Variants in TSNAXIP1 observed in about 807,000 individuals in gnomAD.
TSNAXIP1 encodes the protein translin associated factor X interacting protein 1.
Under a neutral mutation model 84.8 loss-of-function variants are expected in TSNAXIP1, and 89 were observed. That is an observed-to-expected ratio of 1.05 (90% CI 0.88 to 1.25). The LOEUF (loss-of-function observed/expected upper bound fraction) is 1.25. Among genes scored for constraint, TSNAXIP1 ranks in the 50% most tolerant of loss-of-function variants. The pLI, the probability that TSNAXIP1 is intolerant of heterozygous loss-of-function variation, is 0.00. For synonymous variants in TSNAXIP1, 347 were observed against 335.2 expected (o/e 1.04, Z -0.39); for missense variants, 874 against 887.6 (o/e 0.98, Z 0.20).
At chr16:67,819,997 T>G (rs1239572535) in intron 2 of TSNAXIP1, among the ~76,000 whole-genome samples, 1 of 151,986 alleles carries the variant, frequency 6.6e-6, no homozygotes, top group African/African-American at 2.4e-5. Context: ...TTTTTGTATT[T>G]TTAGTAGAGA....
At chr16:67,814,589 G>T (rs2056385454) in intron 2 of TSNAXIP1, among the ~76,000 whole-genome samples, 188 bp downstream of exon 2, 1 of 152,108 alleles carries the variant, frequency 6.6e-6, no homozygotes. Flanking sequence ...GGGGAGAAGG[G>T]TGTACACTGG....
At chr16:67,808,166 G>C (rs982919209) in intron 1 of TSNAXIP1, among the ~76,000 whole-genome samples, 5 of 151,540 alleles carry the variant, frequency 3.3e-5, no homozygotes, top group African/African-American at 1.2e-4. Context: ...AGTAAGTGTT[G>C]AATGAATGTA....
At chr16:67,826,904 C>A in intron 12 of TSNAXIP1, 59 bp from the exon 13 acceptor site, 2 of 1,612,410 alleles carry the variant, frequency 1.2e-6, no homozygotes, top group Non-Finnish European at 1.7e-6. Context: ...CTAGCATAGA[C>A]CAGCTTTGCC....
chr16:67,820,039 C>T (rs932394517), intron 2 of TSNAXIP1, among the ~76,000 whole-genome samples: 15 of 151,800 alleles, frequency 9.9e-5, no homozygotes, highest in African/African-American at 3.6e-4. Context: ...AGGATGGTCT[C>T]GATCTCCTGA....
In TSNAXIP1 at chr16:67,819,645, C is replaced by CT. The variant is rs886107623; in HGVS notation, c.148-1175dup. ...GTGAAGCACACATTATGCTTTCCCTCTTTTTTTTTTTTTTTTTTTGAGACA... is the reference window on the plus strand; with the variant it reads ...GTGAAGCACACATTATGCTTTCCCTCTTTTTTTTTTTTTTTTTTTTGAGACA... On this transcript the variant is annotated intron_variant, in intron 2 of 15. Transcript: ENST00000561639. 2.6e-3 allele frequency among the ~76,000 whole-genome samples: 348 copies of CT among 132,460 alleles called. 1 individual carries two copies. Among genetic ancestry groups the CT allele is most frequent in the Middle Eastern group, 0.012 (3 of 252 alleles). The allele number at this position is 132,460 out of a possible 152,430, so 86.9% of individuals were successfully genotyped here. A position where few individuals can be genotyped will look rare whatever the true frequency, so the allele number is the denominator to read the frequency against.
rs764821678 is a variant in TSNAXIP1 at position 67,826,565 on chromosome 16, C to A, written c.1401+3C>A. The A allele has an allele frequency of 1.2e-6, 2 of 1,614,106 alleles. No individual in the cohort carries two copies. The highest frequency in any genetic ancestry group is 1.7e-6 in the Non-Finnish European group (2 of 1,179,998). ...AGGAACGTCTTGCTGAGGAGCAGGT[C>A]AGATCTCACCAGCCACTCTGGCCCA... On this transcript the variant is annotated splice_donor_region_variant and intron_variant, in intron 11 of 15. Transcript: ENST00000561639.
chr16:67,807,557 C>T, intron 1 of TSNAXIP1: 1 of 425,318 alleles, frequency 2.4e-6, no homozygotes, highest in Non-Finnish European at 4.1e-6. Context: ...CTCGACCTCC[C>T]GGGCTCAAGC....
At chr16:67,808,464 C>G (rs1411234832) in intron 1 of TSNAXIP1, among the ~76,000 whole-genome samples, 2 of 152,176 alleles carry the variant, frequency 1.3e-5, no homozygotes, top group Non-Finnish European at 2.9e-5. Context: ...GTCCCAGCTA[C>G]TCGGGAGGCT....
chr16:67,827,427 G>A, intron 14 of TSNAXIP1, 46 bp from the exon 15 acceptor site: 1 of 1,614,052 alleles, frequency 6.2e-7, no homozygotes, highest in Non-Finnish European at 8.5e-7. Flanking sequence ...AGCCTTGGCT[G>A]GACCCTACCC....
chr16:67,824,752 T>A lies in TSNAXIP1; in HGVS notation c.651T>A (p.Asn217Lys). 1 of 1,614,002 alleles carries A rather than the reference T, an allele frequency of 6.2e-7. No individual in the cohort carries two copies. The highest frequency in any genetic ancestry group is 1.1e-5 in the South Asian group (1 of 91,074). The change falls in exon 6 of 16, where the codon AAT becomes AAA. Residue 217 changes from asparagine to lysine, a missense_variant. Coordinates refer to ENST00000561639, the MANE Select transcript of TSNAXIP1 (RefSeq NM_001288990.3). The stretch of plus-strand genomic sequence containing the variant: ...TGCTAAAACTCATCGACAAAAAGAA[T>A]GAGGAGAAGATTTCATTGCAGAGCG... ...MNLLKLIDKK[N>K]EEKISLQSEV...
intron 2 of TSNAXIP1, among the ~76,000 whole-genome samples, chr16:67,820,615 G>C (rs1192226069): frequency 2.0e-5 from 3 of 151,990 alleles, no homozygotes; most frequent in Admixed American, 1.3e-4. Flanking sequence ...TGTGGTGGTG[G>C]GTGCTTGTAA....
chr16:67,810,984 T>G (rs1328767651), intron 1 of TSNAXIP1, among the ~76,000 whole-genome samples: 4 of 150,934 alleles, frequency 2.7e-5, no homozygotes, highest in East Asian at 3.9e-4. Flanking sequence ...TGTCTTTTGT[T>G]TTTTTTTTTT....
intron 1 of TSNAXIP1, 138 bp from the exon 2 acceptor site, chr16:67,814,164 G>A: frequency 1.5e-6 from 1 of 648,992 alleles, no homozygotes; most frequent in Non-Finnish European, 2.7e-6. Flanking sequence ...TTGCTTGGCA[G>A]TGTCTCTGGG....
chr16:67,819,244 CTT>C (rs531351666), intron 2 of TSNAXIP1, among the ~76,000 whole-genome samples: 23 of 137,262 alleles, frequency 1.7e-4, no homozygotes, highest in Non-Finnish European at 1.1e-4. Context: ...TTTTGATAGT[CTT>C]TTTTTTTTTT....
In TSNAXIP1 at chr16:67,825,261, C is replaced by T. The variant is rs752815770; in HGVS notation, c.803C>T (p.Ala268Val). 9.3e-6 allele frequency: 15 copies of T among 1,613,924 alleles called. No homozygotes were observed. The highest frequency in any genetic ancestry group is 8.3e-5 in the Admixed American group (5 of 59,984). The stretch of plus-strand genomic sequence containing the variant: ...TACCAGCGGGAGGACATGTCATTAG[C>T]CCAGTCGCCAGGTAAGCCTGAATTG... The part of the protein sequence containing the change: ...LRYQREDMSL[A>V]QSPGIWGEDP... Residue 268 changes from alanine to valine, a missense_variant, in exon 7 of 16, where the codon GCC becomes GTC. Transcript: ENST00000561639.
chr16:67,817,238 C>T (rs2056642617), intron 2 of TSNAXIP1, among the ~76,000 whole-genome samples: 1 of 151,926 alleles, frequency 6.6e-6, no homozygotes. Context: ...CAAGTTCCGC[C>T]TCCCGGGTTC....
intron 5 of TSNAXIP1, among the ~76,000 whole-genome samples, chr16:67,824,091 C>T (rs367876159): frequency 9.9e-5 from 15 of 150,818 alleles, no homozygotes; most frequent in East Asian, 3.9e-4. Context: ...AGATCCTATT[C>T]GACCTTCTGG....
intron 6 of TSNAXIP1, among the ~76,000 whole-genome samples, 159 bp downstream of exon 6, chr16:67,824,938 T>C (rs1056205610): frequency 6.6e-6 from 1 of 152,224 alleles, no homozygotes; most frequent in Non-Finnish European, 1.5e-5. Context: ...GCCCTGCTGC[T>C]AGGCTCAGTA....
At chr16:67,817,236 G>A (rs2056642394) in intron 2 of TSNAXIP1, among the ~76,000 whole-genome samples, 1 of 151,108 alleles carries the variant, frequency 6.6e-6, no homozygotes, top group African/African-American at 2.4e-5. Flanking sequence ...TGCAAGTTCC[G>A]CCTCCCGGGT....
Sources: gnomAD v4.1 joint callset for allele counts (sites outside exome capture counted in the v4.1 genomes callset) on GRCh38, gnomAD v4.1.1 for gene constraint, MANE v1.5 for transcripts, NCBI Gene and HGNC (gene_info 2026-07-23, HGNC 2026-07-21) for gene names.